RPS6KA2: variants seen among roughly 807,000 people sequenced by gnomAD.
RPS6KA2 encodes ribosomal protein S6 kinase alpha-2.
RPS6KA2 carries 42 observed loss-of-function variants against 91.8 expected under a neutral mutation model. The observed-to-expected ratio is 0.46, with a 90% CI of 0.36 to 0.59. The LOEUF (loss-of-function observed/expected upper bound fraction) is 0.59, where lower values mean the gene tolerates loss of function less well. Among genes scored for constraint, RPS6KA2 ranks in the 20% least tolerant of loss-of-function variants. RPS6KA2 has a pLI of 0.00. For missense variants in RPS6KA2, 798 were observed against 978.5 expected (o/e 0.82, Z 2.46); for synonymous variants, 414 against 393.6 (o/e 1.05, Z -0.61).
At chr6:166,810,430 G>T (rs1779600616) in intron 2 of RPS6KA2, among the ~76,000 whole-genome samples, 1 of 151,944 alleles carries the variant, frequency 6.6e-6, no homozygotes, top group East Asian at 1.9e-4. Flanking sequence ...GGAAAGTGAG[G>T]GCAAAAAGGA....
intron 1 of RPS6KA2, among the ~76,000 whole-genome samples, chr6:166,605,717 C>G (rs920182838): frequency 2.0e-5 from 3 of 152,108 alleles, no homozygotes; most frequent in Admixed American, 2.0e-4. Flanking sequence ...ACAGATACAC[C>G]TCCCTCCACA....
At chr6:166,757,061 T>G (rs540066601) in intron 2 of RPS6KA2, among the ~76,000 whole-genome samples, 1 of 152,174 alleles carries the variant, frequency 6.6e-6, no homozygotes, top group East Asian at 1.9e-4. Flanking sequence ...TTACGCACAT[T>G]TCACCATCAC....
intron 2 of RPS6KA2, among the ~76,000 whole-genome samples, chr6:166,738,156 A>G (rs1790720438): frequency 6.6e-6 from 1 of 152,216 alleles, no homozygotes; most frequent in South Asian, 2.1e-4. Context: ...AAATATTCCA[A>G]TCCTGTATGA....
intron 2 of RPS6KA2, among the ~76,000 whole-genome samples, chr6:166,782,589 G>A (rs561328361): frequency 6.6e-5 from 10 of 152,264 alleles, no homozygotes; most frequent in East Asian, 3.9e-4. Context: ...CCCGAGGCCC[G>A]GATTGCTGAG....
At chr6:166,796,952 C>T (rs1779241559) in intron 2 of RPS6KA2, among the ~76,000 whole-genome samples, 1 of 152,256 alleles carries the variant, frequency 6.6e-6, no homozygotes, top group Non-Finnish European at 1.5e-5. Context: ...CTCCCAGGTA[C>T]CGAACCTGAG....
intron 2 of RPS6KA2, among the ~76,000 whole-genome samples, chr6:166,679,826 C>T (rs1322337250): frequency 6.6e-6 from 1 of 152,190 alleles, no homozygotes; most frequent in Non-Finnish European, 1.5e-5. Context: ...TCCAGGTGAG[C>T]GCGGCTCGGC....
chr6:166,663,837 G>A (rs1476852807), intron 2 of RPS6KA2, among the ~76,000 whole-genome samples: 1 of 152,238 alleles, frequency 6.6e-6, no homozygotes, highest in Non-Finnish European at 1.5e-5. Flanking sequence ...CTCACTTGAT[G>A]TTAAAGAAAG....
chr6:166,828,132 A>C (rs1207129584), intron 2 of RPS6KA2, among the ~76,000 whole-genome samples: 4 of 151,928 alleles, frequency 2.6e-5, no homozygotes, highest in African/African-American at 4.9e-5. Context: ...ATTACACCTC[A>C]GGGTCAGCAT....
intron 16 of RPS6KA2, among the ~76,000 whole-genome samples, chr6:166,424,952 T>A (rs1778854849): frequency 6.6e-6 from 1 of 152,212 alleles, no homozygotes; most frequent in Admixed American, 6.5e-5. Context: ...TATTTGGAGC[T>A]GAAAACAACT....
At chr6:166,482,977 C>T (rs894967167) in intron 10 of RPS6KA2, among the ~76,000 whole-genome samples, 1 of 152,222 alleles carries the variant, frequency 6.6e-6, no homozygotes, top group Admixed American at 6.5e-5. Context: ...GCCGTGCAGC[C>T]TTGACCTTCA....
At chr6:166,484,540 G>C (rs1292520082) in intron 10 of RPS6KA2, among the ~76,000 whole-genome samples, 1 of 152,240 alleles carries the variant, frequency 6.6e-6, no homozygotes, top group South Asian at 2.1e-4. Flanking sequence ...AAAGGGGACA[G>C]AGGCAGCTGG....
chr6:166,543,017 T>C (rs1430621261), intron 1 of RPS6KA2, among the ~76,000 whole-genome samples: 1 of 152,084 alleles, frequency 6.6e-6, no homozygotes, highest in Non-Finnish European at 1.5e-5. Flanking sequence ...ACACAGGTGG[T>C]TTATGAAAAT....
rs572665828 is a variant in RPS6KA2, at chr6:166,737,779, T to G, written c.123+120421A>C. Reference sequence around the variant, plus strand: ...GCCGTACCCAAAATAGTATATTCCCTGTTTAGACGAACTCTAAATTAAACT... The same window carrying G: ...GCCGTACCCAAAATAGTATATTCCCGGTTTAGACGAACTCTAAATTAAACT... On this transcript the variant is annotated intron_variant, in intron 2 of 21. Transcript: ENST00000503859. The surrounding 1 kb of genome is among the most constrained non-coding windows in gnomAD (Gnocchi z 4.3). Among the ~76,000 whole-genome samples the G allele has an allele frequency of 6.6e-6, 1 of 152,236 alleles. No individual in the cohort carries two copies. The highest frequency in any genetic ancestry group is 1.5e-5 in the Non-Finnish European group (1 of 68,038).
intron 12 of RPS6KA2, among the ~76,000 whole-genome samples, chr6:166,454,121 G>C (rs1007420086): frequency 1.3e-5 from 2 of 152,110 alleles, no homozygotes; most frequent in African/African-American, 4.8e-5. Context: ...CTCAGGTGAT[G>C]GTTACACTAA....
chr6:166,641,747 A>AAAAAAAAAAAAAAAAAAG (rs1787443992), intron 2 of RPS6KA2, among the ~76,000 whole-genome samples: 1 of 132,766 alleles, frequency 7.5e-6, no homozygotes, highest in Non-Finnish European at 1.5e-5. Flanking sequence ...AAAAAAAAAA[A>AAAAAAAAAAAAAAAAAAG]AAAAAAAAAA....
chr6:166,540,424 A>G (rs1783617678), intron 1 of RPS6KA2, among the ~76,000 whole-genome samples: 1 of 142,920 alleles, frequency 7.0e-6, no homozygotes, highest in Non-Finnish European at 1.5e-5. Flanking sequence ...TTCAAGGATG[A>G]TTTGCTATTT....
At chr6:166,529,747 A>G (rs907735049) in intron 3 of RPS6KA2, among the ~76,000 whole-genome samples, 1 of 152,238 alleles carries the variant, frequency 6.6e-6, no homozygotes, top group Non-Finnish European at 1.5e-5. Flanking sequence ...TTTCTACAAG[A>G]TGATGATTCA....
intron 16 of RPS6KA2, among the ~76,000 whole-genome samples, chr6:166,429,047 C>T (rs932080728): frequency 6.6e-6 from 1 of 151,886 alleles, no homozygotes; most frequent in Non-Finnish European, 1.5e-5. Context: ...AAATGTTCAA[C>T]AATGATAGAC....
chr6:166,510,247 T>C (rs753442769), intron 4 of RPS6KA2, 30 bp downstream of exon 4: 3 of 1,409,442 alleles, frequency 2.1e-6, no homozygotes, highest in South Asian at 1.2e-5. Context: ...CCCTGGGTCC[T>C]CTTTAAAGTG....
Sources: allele counts gnomAD v4.1 joint callset (sites outside exome capture counted in the v4.1 genomes callset), GRCh38; gene constraint gnomAD v4.1.1; non-coding constraint Gnocchi (gnomAD v3.1); transcripts MANE v1.5; gene names NCBI Gene and HGNC (gene_info 2026-07-23, HGNC 2026-07-21).